ESPN: variants seen among roughly 807,000 people sequenced by gnomAD.
ESPN encodes the protein autosomal recessive deafness type 36 protein.
In ESPN, 68 loss-of-function variants were observed where a neutral mutation model predicts 77.7. That is an observed-to-expected ratio of 0.87 (90% CI 0.72 to 1.07). The LOEUF (loss-of-function observed/expected upper bound fraction) is 1.07. ESPN is among the 50% of genes least tolerant of loss of function. The probability of loss-of-function intolerance (pLI) is 0.00; values close to 1 mark genes in which losing one functional copy is unlikely to be tolerated. For synonymous variants in ESPN, 449 were observed against 567.1 expected (o/e 0.79, Z 2.96); for missense variants, 1,060 against 1,239.0 (o/e 0.86, Z 2.17).
chr1:6,433,121 C>T lies in ESPN; in HGVS notation c.488+4702C>T, dbSNP rs553649881. 6.1e-3 allele frequency among the ~76,000 whole-genome samples: 828 copies of T among 134,900 alleles called. 5 individuals carry two copies. The highest frequency in any genetic ancestry group is 0.024 in the African/African-American group (780 of 32,374). The allele number at this position is 134,900 out of a possible 152,430, so 88.5% of individuals were successfully genotyped here. A position where few individuals can be genotyped will look rare whatever the true frequency, so the allele number is the denominator to read the frequency against. On this transcript the variant is annotated intron_variant, in intron 2 of 12. Coordinates refer to ENST00000645284, the MANE Select transcript of ESPN (RefSeq NM_031475.3). ...TGGGCAACAGAGTGAGACTCCATCT[C>T]AAAAAAAAAGAAAAAAGAAAAGAAA...
At position 6,445,874 on chromosome 1, in the gene ESPN, A is replaced by G. The variant is rs145306517; in HGVS notation, c.1403A>G (p.Asp468Gly). 658 of 1,611,386 alleles carry G rather than the reference A, an allele frequency of 4.1e-4. 1 individual carries two copies. The highest frequency in any genetic ancestry group is 1.1e-3 in the South Asian group (102 of 90,970). The stretch of plus-strand genomic sequence containing the variant: ...CCTCCTGTAGGACCACAGGCAGCTG[A>G]CATCTACATGCAGACCAAGAACAAA... ...PKPPVGPQAADIYMQTKNKLR... is the reference protein window; with the variant it reads ...PKPPVGPQAAGIYMQTKNKLR... Residue 468 changes from aspartate (D) to glycine (G), a missense_variant, in exon 7 of 13, where the codon GAC becomes GGC. Asp to Gly is a moderately conservative substitution (Grantham distance 94). Coordinates refer to ENST00000645284, the MANE Select transcript of ESPN (RefSeq NM_031475.3).
rs373650430 is a variant in ESPN, at chr1:6,460,146, G to A, written c.2565G>A (p.Ter855=). ...AGAAGGGGGACATCGCTAAGTACTA[G>A]AGGCCGCAGACTCCTGTCCGCAGCC... is the stretch of plus-strand genomic sequence containing the variant. The part of the protein sequence containing the change: ...ILKKGDIAKY[*] The change falls in exon 13 of 13, where the codon TAG becomes TAA. Residue 855 remains the stop codon, a stop_retained_variant. Transcript: ENST00000645284. The A allele has an allele frequency of 1.2e-5, 20 of 1,611,036 alleles. No individual in the cohort carries two copies. In the African/African-American group the frequency reaches 2.3e-4, roughly 18 times the overall value.
chr1:6,441,601 T>C (rs1643639126), intron 5 of ESPN, among the ~76,000 whole-genome samples: 1 of 152,226 alleles, frequency 6.6e-6, no homozygotes, highest in Non-Finnish European at 1.5e-5. Context: ...AATTATGTTA[T>C]TATGGTGAGA....
chr1:6,454,059 T>C (rs1644001996), intron 10 of ESPN, among the ~76,000 whole-genome samples: 1 of 152,058 alleles, frequency 6.6e-6, no homozygotes, highest in Non-Finnish European at 1.5e-5. Flanking sequence ...CGCCCTCGGA[T>C]GGGTTGGGGA....
Position 6,440,336 on chromosome 1 carries a change from C to G in ESPN, c.571C>G (p.Leu191Val). 1 of 1,580,822 alleles carries G rather than the reference C, an allele frequency of 6.3e-7. No individual in the cohort carries two copies. The highest frequency in any genetic ancestry group is 1.1e-5 in the South Asian group (1 of 87,164). Reference sequence around the variant, plus strand: ...GGGCCACCTGGAGGTGACCCAGTACCTGGTGCAGGAATGCGGCGCAGACCC... The same window carrying G: ...GGGCCACCTGGAGGTGACCCAGTACGTGGTGCAGGAATGCGGCGCAGACCC... ...QEGHLEVTQY[L>V]VQECGADPHA... is the part of the protein sequence containing the mutation. The change falls in exon 3 of 13, where the codon CTG (leucine) becomes GTG (valine). Residue 191 changes from leucine (L) to valine (V), a missense_variant. This residue lies in a region of ESPN where 556 missense variants were observed against 633.6 expected (regional missense o/e 0.88). Transcript: ENST00000645284.
At position 6,427,777 on chromosome 1, in the gene ESPN, C is replaced by A. The variant is rs923602205; in HGVS notation, c.295-449C>A. On this transcript the variant is annotated intron_variant, in intron 1 of 12. Coordinates refer to ENST00000645284, the MANE Select transcript of ESPN (RefSeq NM_031475.3). The surrounding 1 kb of genome is among the most constrained non-coding windows in gnomAD (Gnocchi z 4.6). ...TTGGATGCAGGGGGTGACCCCCAAT[C>A]CTGATGCTAGCTTGGTACAGCCCCA... 6.6e-6 allele frequency among the ~76,000 whole-genome samples: 1 copy of A among 152,198 alleles called. No homozygotes were observed. Among genetic ancestry groups the A allele is most frequent in the Non-Finnish European group, 1.5e-5 (1 of 68,022 alleles).
intron 6 of ESPN, among the ~76,000 whole-genome samples, chr1:6,445,305 A>G (rs1398273711): frequency 6.6e-6 from 1 of 152,264 alleles, no homozygotes; most frequent in African/African-American, 2.4e-5. Flanking sequence ...TCACGCCGCC[A>G]GATGGTGGCC....
At chr1:6,449,252 G>A (rs867792831) in intron 8 of ESPN, among the ~76,000 whole-genome samples, 161 bp downstream of exon 8, 9 of 152,200 alleles carry the variant, frequency 5.9e-5, no homozygotes, top group South Asian at 2.1e-4. Flanking sequence ...CCTAAGAGAG[G>A]GCTCTGGGTT....
chr1:6,434,723 A>G (rs1350723340), intron 2 of ESPN, among the ~76,000 whole-genome samples: 2 of 152,096 alleles, frequency 1.3e-5, no homozygotes, highest in African/African-American at 4.8e-5. Flanking sequence ...TCTTCTATCC[A>G]TGTGTGTATG....
At chr1:6,443,851 A>G (rs115189638) in intron 5 of ESPN, among the ~76,000 whole-genome samples, 7,641 of 152,242 alleles carry the variant, frequency 0.05, 211 homozygotes, top group South Asian at 0.059. Context: ...CAGCATGGCA[A>G]TGTAAGCAGG....
chr1:6,441,037 C>T lies in ESPN; in HGVS notation c.962C>T (p.Thr321Ile). Residue 321 changes from threonine to isoleucine, a missense_variant, in exon 5 of 13, where the codon ACC becomes ATC. By Grantham distance (89) the Thr-to-Ile change is moderately conservative (BLOSUM62 -1). Around this residue, in one of 3 missense-constraint regions of ESPN, gnomAD observed 556 missense variants for 633.6 expected, o/e 0.88. Transcript: ENST00000645284. Reference protein sequence around the residue: ...LSDFNGHSHCTRYLRTVENLS... With the variant: ...LSDFNGHSHCIRYLRTVENLS... The stretch of plus-strand genomic sequence containing the variant: ...GACTTCAACGGCCACAGCCACTGCA[C>T]CCGCTACCTGCGCACGGTGGAGAAC... The T allele has an allele frequency of 1.2e-6, 2 of 1,611,612 alleles. No homozygotes were observed. The highest frequency in any genetic ancestry group is 1.3e-5 in the African/African-American group (1 of 75,014).
chr1:6,437,781 T>G lies in ESPN; in HGVS notation c.489-2473T>G, dbSNP rs1262937788. The G allele has an allele frequency of 6.6e-6, 1 of 152,330 alleles. No individual in the cohort carries two copies. Among genetic ancestry groups the G allele is most frequent in the Non-Finnish European group, 1.5e-5 (1 of 68,196 alleles). 9.4% of individuals were successfully genotyped at this position (152,330 alleles called of 1,614,324 possible). On this transcript the variant is annotated intron_variant, in intron 2 of 12. Transcript: ENST00000645284. This position sits in a 1 kb window ranked among gnomAD's most constrained non-coding sequence, Gnocchi z 4.5. ...AGGTCCATGGGGGCTGCAGACAGCC[T>G]TGGGGTCTCAGGAGTCAGGGAAGTA...
At position 6,428,426 on chromosome 1, in the gene ESPN, T is replaced by C. The variant is rs1346845404; in HGVS notation, c.488+7T>C. 1 of 1,606,330 alleles carries C rather than the reference T, an allele frequency of 6.2e-7. No homozygotes were observed. Among genetic ancestry groups the C allele is most frequent in the South Asian group, 1.1e-5 (1 of 90,722 alleles). On this transcript the variant is annotated splice_region_variant and intron_variant, in intron 2 of 12. Transcript: ENST00000645284. This position sits in a 1 kb window ranked among gnomAD's most constrained non-coding sequence, Gnocchi z 5.4. Reference sequence around the variant, plus strand: ...TCGTCGAGCACTACCCTGAGTAAGATCACCCCTCTTAAGGGGTCCTCTGGG... The same window carrying C: ...TCGTCGAGCACTACCCTGAGTAAGACCACCCCTCTTAAGGGGTCCTCTGGG...
chr1:6,452,144 G>C (rs1458458549), intron 10 of ESPN, 48 bp downstream of exon 10: 9 of 1,502,446 alleles, frequency 6.0e-6, no homozygotes, highest in Non-Finnish European at 8.0e-6. Context: ...GCATCTGGAT[G>C]CACAGCCCAT....
intron 12 of ESPN, 50 bp from the exon 13 acceptor site, chr1:6,459,949 G>T (rs763296700): frequency 3.7e-6 from 6 of 1,611,040 alleles, no homozygotes; most frequent in East Asian, 2.2e-5. Context: ...GCCAGCCTGG[G>T]TATCTGGCCC....
At position 6,450,030 on chromosome 1, in the gene ESPN, G is replaced by A. The variant is rs1643917803; in HGVS notation, c.1915+939G>A. On this transcript the variant is annotated intron_variant, in intron 8 of 12. Transcript: ENST00000645284. This position sits in a 1 kb window ranked among gnomAD's most constrained non-coding sequence, Gnocchi z 4.3. ...TGCAGACCAGAGCCCATGTAAGCAAGTCCAGCACCTGCCGAACCTCCTTCT... is the reference window on the plus strand; with the variant it reads ...TGCAGACCAGAGCCCATGTAAGCAAATCCAGCACCTGCCGAACCTCCTTCT... Among the ~76,000 whole-genome samples the A allele has an allele frequency of 6.6e-6, 1 of 152,200 alleles. No homozygotes were observed. Among genetic ancestry groups the A allele is most frequent in the Non-Finnish European group, 1.5e-5 (1 of 68,022 alleles).
chr1:6,460,143 C>T lies in ESPN; in HGVS notation c.2562C>T (p.Tyr854=). The change falls in exon 13 of 13, where the codon TAC becomes TAT. Residue 854 remains tyrosine (Y), a synonymous_variant. Coordinates refer to ENST00000645284, the MANE Select transcript of ESPN (RefSeq NM_031475.3). ...VILKKGDIAK[Y] is the part of the protein sequence containing the mutation. ...TGAAGAAGGGGGACATCGCTAAGTACTAGAGGCCGCAGACTCCTGTCCGCA... is the reference window on the plus strand; with the variant it reads ...TGAAGAAGGGGGACATCGCTAAGTATTAGAGGCCGCAGACTCCTGTCCGCA... The T allele has an allele frequency of 6.2e-7, 1 of 1,611,226 alleles. No homozygotes were observed. The highest frequency in any genetic ancestry group is 8.5e-7 in the Non-Finnish European group (1 of 1,179,406).
At chr1:6,449,284 C>T (rs1035271507) in intron 8 of ESPN, among the ~76,000 whole-genome samples, 193 bp downstream of exon 8, 44 of 152,350 alleles carry the variant, frequency 2.9e-4, no homozygotes, top group Admixed American at 2.1e-3. Context: ...TGCCAAAGCA[C>T]GACCGGGCTG....
chr1:6,434,448 G>A (rs1044923844), intron 2 of ESPN, among the ~76,000 whole-genome samples: 8 of 152,164 alleles, frequency 5.3e-5, no homozygotes, highest in Admixed American at 6.5e-5. Flanking sequence ...TCCAGTAAAC[G>A]TCTGCTGAAT....
Sources: allele counts gnomAD v4.1 joint callset (sites outside exome capture counted in the v4.1 genomes callset), GRCh38; gene constraint gnomAD v4.1.1; regional missense constraint gnomAD v4.1.1; non-coding constraint Gnocchi (gnomAD v3.1); transcripts MANE v1.5; gene names NCBI Gene and HGNC (gene_info 2026-07-23, HGNC 2026-07-21).